Variants in DYM observed in about 807,000 individuals in gnomAD.
The protein encoded by DYM is dyggve-Melchior-Clausen syndrome protein.
In DYM, 78 loss-of-function variants were observed where a neutral mutation model predicts 93.1. The observed-to-expected ratio is 0.84, with a 90% CI of 0.70 to 1.01. The LOEUF (loss-of-function observed/expected upper bound fraction) is 1.01, where lower values mean the gene tolerates loss of function less well. Among genes scored for constraint, DYM ranks in the 50% least tolerant of loss-of-function variants. The pLI, the probability that DYM is intolerant of heterozygous loss-of-function variation, is 0.00. For synonymous variants in DYM, 321 were observed against 319.7 expected, an observed-to-expected ratio of 1.00 and a Z score of -0.04; for missense variants, 789 against 845.0, an observed-to-expected ratio of 0.93 and a Z score of 0.82.
At chr18:49,133,325 A>G (rs911389388) in intron 15 of DYM, among the ~76,000 whole-genome samples, 2 of 152,172 alleles carry the variant, frequency 1.3e-5, no homozygotes, top group Admixed American at 6.5e-5. Flanking sequence ...ATAACAAAAA[A>G]TTTTCAAAAT....
chr18:49,432,103 T>C (rs1718902184), intron 1 of DYM, among the ~76,000 whole-genome samples: 1 of 152,152 alleles, frequency 6.6e-6, no homozygotes, highest in Admixed American at 6.5e-5. Context: ...CCGGGCGCTG[T>C]GGCTCACGCC....
chr18:49,165,690 G>T lies in DYM; in HGVS notation c.1626-1903C>A, dbSNP rs1203235128. On this transcript the variant is annotated intron_variant, in intron 14 of 17. Transcript: ENST00000675505. The stretch of plus-strand genomic sequence containing the variant: ...TTTACATTTATACTTAAATAAAGTG[G>T]GAAGAAAAATAATTACATGAAGTAA... Among the ~76,000 whole-genome samples, 5 of 151,948 alleles carry T rather than the reference G, an allele frequency of 3.3e-5. 1 individual carries two copies.
intron 16 of DYM, among the ~76,000 whole-genome samples, chr18:49,117,499 T>C (rs966947005): frequency 2.6e-5 from 4 of 152,162 alleles, no homozygotes; most frequent in Non-Finnish European, 4.4e-5. Context: ...CTTTTGGGAG[T>C]GCCTGTTCGA....
At chr18:49,045,568 A>T (rs1049249921) in intron 17 of DYM, among the ~76,000 whole-genome samples, 1 of 152,200 alleles carries the variant, frequency 6.6e-6, no homozygotes, top group Non-Finnish European at 1.5e-5. Context: ...GCCTAGAGAT[A>T]CGGGGGTGCG....
chr18:49,459,175 A>G (rs149289490), intron 1 of DYM, among the ~76,000 whole-genome samples: 1 of 152,316 alleles, frequency 6.6e-6, no homozygotes, highest in African/African-American at 2.4e-5. Flanking sequence ...GTTCTCTGCC[A>G]TTTAATCCAC....
chr18:49,370,210 G>A (rs536575391), intron 5 of DYM, among the ~76,000 whole-genome samples: 9 of 151,472 alleles, frequency 5.9e-5, no homozygotes, highest in African/African-American at 1.5e-4. Flanking sequence ...CCTGGGAGGC[G>A]GAGGTTGCAG....
chr18:49,196,889 T>A (rs968254545), intron 14 of DYM, among the ~76,000 whole-genome samples: 15 of 152,048 alleles, frequency 9.9e-5, no homozygotes, highest in African/African-American at 3.6e-4. Context: ...AGGTGTGTGA[T>A]AAGGACTGTC....
chr18:49,309,912 A>G (rs918269654), intron 8 of DYM, among the ~76,000 whole-genome samples: 3 of 152,244 alleles, frequency 2.0e-5, no homozygotes, highest in Non-Finnish European at 4.4e-5. Context: ...AACCCTATCC[A>G]GACGGCATGG....
intron 15 of DYM, among the ~76,000 whole-genome samples, chr18:49,156,725 G>A (rs961655211): frequency 8.2e-6 from 1 of 121,414 alleles, no homozygotes; most frequent in Admixed American, 9.3e-5. Context: ...GAGTGAAAAC[G>A]CTGTCTCAAA....
At chr18:49,105,582 T>C (rs1261643708) in intron 16 of DYM, among the ~76,000 whole-genome samples, 4 of 152,226 alleles carry the variant, frequency 2.6e-5, no homozygotes, top group Admixed American at 2.6e-4. Flanking sequence ...GCTTTGAATG[T>C]GTCCCAGAGA....
At chr18:49,455,489 A>G (rs1052712930) in intron 1 of DYM, among the ~76,000 whole-genome samples, 4 of 152,220 alleles carry the variant, frequency 2.6e-5, no homozygotes, top group Admixed American at 6.5e-5. Flanking sequence ...ATTTTCATTT[A>G]ATTCTCTAAC....
chr18:49,045,502 C>A (rs2071359299), intron 17 of DYM, among the ~76,000 whole-genome samples: 1 of 152,214 alleles, frequency 6.6e-6, no homozygotes, highest in South Asian at 2.1e-4. Flanking sequence ...TTCACTCATT[C>A]TTCATTCTAC....
intron 13 of DYM, among the ~76,000 whole-genome samples, chr18:49,235,194 G>C (rs2093824583): frequency 6.6e-6 from 1 of 152,190 alleles, no homozygotes; most frequent in Admixed American, 6.5e-5. Context: ...GCAGTAACTT[G>C]TTACAGCAGC....
intron 5 of DYM, among the ~76,000 whole-genome samples, chr18:49,377,737 G>C (rs764178556): frequency 6.6e-6 from 1 of 152,036 alleles, no homozygotes. Context: ...TTAAAAACAC[G>C]TATTTAGCAA....
chr18:49,443,905 C>G (rs2081885513), intron 1 of DYM, among the ~76,000 whole-genome samples: 1 of 152,210 alleles, frequency 6.6e-6, no homozygotes. Flanking sequence ...TAACATCCTA[C>G]TCTTTCCATG....
At chr18:49,187,089 T>G (rs2090515463) in intron 14 of DYM, among the ~76,000 whole-genome samples, 1 of 152,040 alleles carries the variant, frequency 6.6e-6, no homozygotes, top group South Asian at 2.1e-4. Flanking sequence ...CCAGCTAATT[T>G]TTTGTATGTT....
At chr18:49,168,307 T>C (rs1274573213) in intron 14 of DYM, among the ~76,000 whole-genome samples, 1 of 152,204 alleles carries the variant, frequency 6.6e-6, no homozygotes, top group Non-Finnish European at 1.5e-5. Flanking sequence ...GAGAGTGGTA[T>C]ATTGCTCTAT....
chr18:49,138,981 A>G (rs2144346373), intron 15 of DYM, among the ~76,000 whole-genome samples: 1 of 152,196 alleles, frequency 6.6e-6, no homozygotes, highest in East Asian at 1.9e-4. Flanking sequence ...AGTTATAGCC[A>G]ATCTCTCCGA....
intron 17 of DYM, among the ~76,000 whole-genome samples, chr18:49,046,768 C>T (rs1457488104): frequency 1.3e-5 from 2 of 152,002 alleles, no homozygotes; most frequent in African/African-American, 4.8e-5. Context: ...GATGTGATGG[C>T]GCATGTCTGT....
Sources: allele counts gnomAD v4.1 joint callset (sites outside exome capture counted in the v4.1 genomes callset), GRCh38; gene constraint gnomAD v4.1.1; transcripts MANE v1.5; gene names NCBI Gene and HGNC (gene_info 2026-07-23, HGNC 2026-07-21).